LAPTM4B: variants seen among roughly 807,000 people sequenced by gnomAD.
LAPTM4B encodes lysosomal-associated transmembrane protein 4B.
In LAPTM4B, 26 loss-of-function variants were observed where a neutral mutation model predicts 28.5. That is an observed-to-expected ratio of 0.91 (90% CI 0.67 to 1.27). The LOEUF is 1.27. LAPTM4B is among the 50% of genes most tolerant of loss of function. The pLI, the probability that LAPTM4B is intolerant of heterozygous loss-of-function variation, is 0.00. For synonymous variants in LAPTM4B, 109 were observed against 106.4 expected, an observed-to-expected ratio of 1.02 and a Z score of -0.15; for missense variants, 288 against 285.8, an observed-to-expected ratio of 1.01 and a Z score of -0.06.
At chr8:97,776,690 TC>T (rs112032063) in intron 1 of LAPTM4B, among the ~76,000 whole-genome samples, 67 of 149,084 alleles carry the variant, frequency 4.5e-4, no homozygotes, top group African/African-American at 1.2e-3. Flanking sequence ...TGTGAATGGG[TC>T]CCCCCCCCGA....
chr8:97,804,921 A>G (rs771185133), intron 1 of LAPTM4B, among the ~76,000 whole-genome samples: 1 of 152,222 alleles, frequency 6.6e-6, no homozygotes, highest in African/African-American at 2.4e-5. Context: ...TCAAAGCTCC[A>G]CTAGTTTGAA....
chr8:97,817,710 A>G (rs1816943222), intron 4 of LAPTM4B, among the ~76,000 whole-genome samples: 1 of 151,522 alleles, frequency 6.6e-6, no homozygotes, highest in Non-Finnish European at 1.5e-5. Flanking sequence ...TCGGCCTCCC[A>G]GAGTGCTAGG....
At position 97,851,406 on chromosome 8, in the gene LAPTM4B, C is replaced by CCCCCGT; in HGVS notation, c.614_619dup (p.Pro206_Tyr207insSerPro). On this transcript the variant is annotated inframe_insertion, in exon 7 of 7. Transcript: ENST00000521545. ...CCCTCTTTCTTCTCAGGTGCTGCTA[C>CCCCCGT]CCCCGTATGATGATGCCACTGTGAA... is the stretch of plus-strand genomic sequence containing the variant. 6.2e-7 allele frequency: 1 copy of CCCCCGT among 1,613,828 alleles called. No homozygotes were observed. The highest frequency in any genetic ancestry group is 1.1e-5 in the South Asian group (1 of 91,066).
intron 1 of LAPTM4B, among the ~76,000 whole-genome samples, 153 bp downstream of exon 1, chr8:97,776,261 C>T (rs939363825): frequency 2.6e-5 from 4 of 152,200 alleles, no homozygotes; most frequent in African/African-American, 9.7e-5. Flanking sequence ...GTCCGCACTT[C>T]CCCCGGCTGG....
chr8:97,828,746 A>G (rs374988584), intron 6 of LAPTM4B, among the ~76,000 whole-genome samples: 1 of 152,186 alleles, frequency 6.6e-6, no homozygotes, highest in Non-Finnish European at 1.5e-5. Context: ...AGTGAGTTAT[A>G]TCGGTAAGGC....
chr8:97,788,700 A>ATT (rs11394203), intron 1 of LAPTM4B, among the ~76,000 whole-genome samples: 71 of 147,768 alleles, frequency 4.8e-4, no homozygotes, highest in Middle Eastern at 3.5e-3. Context: ...TCTGACAGCC[A>ATT]TTTTTTTTTT....
chr8:97,793,769 T>TG (rs1205300278), intron 1 of LAPTM4B, among the ~76,000 whole-genome samples: 1 of 152,214 alleles, frequency 6.6e-6, no homozygotes, highest in Non-Finnish European at 1.5e-5. Flanking sequence ...GGATAAACAC[T>TG]GCAGCTGCTA....
Position 97,825,131 on chromosome 8 carries a change from A to G in LAPTM4B, c.581A>G (p.Tyr194Cys). The G allele has an allele frequency of 1.2e-6, 2 of 1,604,506 alleles. No individual in the cohort carries two copies. Among genetic ancestry groups the G allele is most frequent in the Non-Finnish European group, 1.7e-6 (2 of 1,171,316 alleles). Reference sequence around the variant, plus strand: ...AGGAACTCCTCTGATGTCCTGGTTTATGTTACCAGCAATGACACTACGGTA... The same window carrying G: ...AGGAACTCCTCTGATGTCCTGGTTTGTGTTACCAGCAATGACACTACGGTA... The part of the protein sequence containing the change: ...NGRNSSDVLV[Y>C]VTSNDTTVLL... The change falls in exon 6 of 7, where the codon TAT becomes TGT. Residue 194 changes from tyrosine to cysteine, a missense_variant. By Grantham distance (194) the Tyr-to-Cys change is radical. Coordinates refer to ENST00000521545, the MANE Select transcript of LAPTM4B (RefSeq NM_018407.6).
At chr8:97,816,704 TAGTTTTCTC>T (rs1816922166) in intron 4 of LAPTM4B, among the ~76,000 whole-genome samples, 1 of 152,214 alleles carries the variant, frequency 6.6e-6, no homozygotes, top group African/African-American at 2.4e-5. Context: ...TGGTAAAATG[TAGTTTTCTC>T]AGTTATCAAC....
At chr8:97,849,591 T>C (rs1174338738) in intron 6 of LAPTM4B, among the ~76,000 whole-genome samples, 4 of 152,244 alleles carry the variant, frequency 2.6e-5, no homozygotes. Context: ...ACTACCTCTT[T>C]CAGGAACAAA....
chr8:97,794,260 G>C (rs544224819), intron 1 of LAPTM4B, among the ~76,000 whole-genome samples: 1 of 152,216 alleles, frequency 6.6e-6, no homozygotes, highest in East Asian at 1.9e-4. Context: ...GATTACAGGT[G>C]TGAGCCACTG....
chr8:97,805,546 G>C (rs973013128), intron 2 of LAPTM4B, 82 bp downstream of exon 2: 5 of 790,352 alleles, frequency 6.3e-6, no homozygotes, highest in Non-Finnish European at 1.1e-5. Flanking sequence ...ATATAGACTC[G>C]TGAGTTCATT....
rs559303877 is a variant in LAPTM4B, at chr8:97,775,793, C to G, written c.-217C>G. On this transcript the variant is annotated 5_prime_UTR_variant, in exon 1 of 7. Transcript: ENST00000521545. ...GTCCGCCCCGCCCCCTCCCCGTCCC[C>G]GCCGCTGCAGCGGTCGCCTTCGGAG... The G allele has an allele frequency of 7.0e-6, 11 of 1,570,478 alleles. No individual in the cohort carries two copies. In the East Asian group the frequency reaches 2.3e-4, roughly 33 times the overall value.
Position 97,775,806 on chromosome 8 carries a change from G to T in LAPTM4B, c.-204G>T, listed in dbSNP as rs1174950697. Reference sequence around the variant, plus strand: ...CCTCCCCGTCCCCGCCGCTGCAGCGGTCGCCTTCGGAGCGAAGGGTACCGA... The same window carrying T: ...CCTCCCCGTCCCCGCCGCTGCAGCGTTCGCCTTCGGAGCGAAGGGTACCGA... On this transcript the variant is annotated 5_prime_UTR_variant, in exon 1 of 7. Transcript: ENST00000521545. The T allele has an allele frequency of 6.4e-7, 1 of 1,569,692 alleles. No homozygotes were observed. Among genetic ancestry groups the T allele is most frequent in the South Asian group, 1.1e-5 (1 of 87,726 alleles).
At chr8:97,784,509 C>T (rs1816372504) in intron 1 of LAPTM4B, among the ~76,000 whole-genome samples, 1 of 152,054 alleles carries the variant, frequency 6.6e-6, no homozygotes, top group Non-Finnish European at 1.5e-5. Flanking sequence ...GTGGGATCTC[C>T]ACTCACTGCA....
intron 6 of LAPTM4B, among the ~76,000 whole-genome samples, chr8:97,850,147 C>T (rs984397527): frequency 1.3e-5 from 2 of 151,914 alleles, no homozygotes; most frequent in East Asian, 1.9e-4. Context: ...GCTCTTTCCC[C>T]GCCATGAGTC....
chr8:97,846,903 G>A (rs181907557), intron 6 of LAPTM4B, among the ~76,000 whole-genome samples: 1 of 152,128 alleles, frequency 6.6e-6, no homozygotes, highest in East Asian at 1.9e-4. Flanking sequence ...TTGCCTAGTT[G>A]GAATCACTTT....
In LAPTM4B at chr8:97,775,903, A is replaced by T; in HGVS notation, c.-107A>T. On this transcript the variant is annotated 5_prime_UTR_variant, in exon 1 of 7. Coordinates refer to ENST00000521545, the MANE Select transcript of LAPTM4B (RefSeq NM_018407.6). ...CGGGCGCACGGGCGAGCGGGCCGGG[A>T]GCCGGAGCGGCGGAGGAGCCGGCAG... 1 of 1,448,048 alleles carries T rather than the reference A, an allele frequency of 6.9e-7. No individual in the cohort carries two copies. The highest frequency in any genetic ancestry group is 9.0e-7 in the Non-Finnish European group (1 of 1,107,214). The allele number at this position is 1,448,048 out of a possible 1,614,324, so 89.7% of individuals were successfully genotyped here.
Position 97,805,965 on chromosome 8 carries a change from A to T in LAPTM4B, c.211+501A>T, listed in dbSNP as rs143284485. Among the ~76,000 whole-genome samples the T allele has an allele frequency of 6.1e-3, 928 of 152,288 alleles. 7 individuals are homozygous for T. The highest frequency in any genetic ancestry group is 0.021 in the African/African-American group (874 of 41,566). On this transcript the variant is annotated intron_variant, in intron 2 of 6. Coordinates refer to ENST00000521545, the MANE Select transcript of LAPTM4B (RefSeq NM_018407.6). Reference sequence around the variant, plus strand: ...AGGAAGCTAGGCTCCCAGCTTGAAGATCACTGCAGCCTCATCATTTTATAA... The same window carrying T: ...AGGAAGCTAGGCTCCCAGCTTGAAGTTCACTGCAGCCTCATCATTTTATAA...
Sources: allele counts gnomAD v4.1 joint callset (sites outside exome capture counted in the v4.1 genomes callset), GRCh38; gene constraint gnomAD v4.1.1; transcripts MANE v1.5; gene names NCBI Gene and HGNC (gene_info 2026-07-23, HGNC 2026-07-21).